The following PCMTD1 variants were observed in gnomAD, a reference collection of about 807,000 sequenced individuals.
PCMTD1 encodes the protein protein-L-isoaspartate (D-aspartate) O-methyltransferase domain containing 1.
A neutral mutation model predicts 37.6 loss-of-function variants in PCMTD1; 12 were observed. The observed-to-expected ratio is 0.32, with a 90% CI of 0.20 to 0.52. The LOEUF (loss-of-function observed/expected upper bound fraction) is 0.52. Ranked by LOEUF, PCMTD1 falls within the 20% of genes least tolerant of loss-of-function variation. PCMTD1 has a pLI of 0.97. For missense variants in PCMTD1, 235 were observed against 421.3 expected (o/e 0.56, Z 3.87); for synonymous variants, 117 against 135.8 (o/e 0.86, Z 0.96).
intron 1 of PCMTD1, among the ~76,000 whole-genome samples, chr8:51,865,576 C>G (rs911489784): frequency 6.6e-6 from 1 of 151,870 alleles, no homozygotes; most frequent in South Asian, 2.1e-4. Context: ...GACAAAAACC[C>G]TATGATCATT....
At chr8:51,831,859 T>C (rs1266471171) in intron 4 of PCMTD1, among the ~76,000 whole-genome samples, 1 of 152,220 alleles carries the variant, frequency 6.6e-6, no homozygotes, top group Non-Finnish European at 1.5e-5. Flanking sequence ...AGCACTACAA[T>C]CTATACATGC....
chr8:51,834,492 C>T (rs1036403414), intron 3 of PCMTD1, among the ~76,000 whole-genome samples: 5 of 152,056 alleles, frequency 3.3e-5, no homozygotes, highest in South Asian at 2.1e-4. Flanking sequence ...CTAATATAAA[C>T]GTAATTAAAA....
chr8:51,874,502 A>C (rs73592234), intron 1 of PCMTD1, among the ~76,000 whole-genome samples: 1,790 of 152,250 alleles, frequency 0.012, 37 homozygotes, highest in African/African-American at 0.041. Context: ...TATTTTCAAT[A>C]AACTGTTTAA....
chr8:51,865,525 A>T (rs1433340784), intron 1 of PCMTD1, among the ~76,000 whole-genome samples: 1 of 152,082 alleles, frequency 6.6e-6, no homozygotes, highest in Admixed American at 6.6e-5. Context: ...GAATATACAC[A>T]AATCAATAAT....
intron 5 of PCMTD1, among the ~76,000 whole-genome samples, chr8:51,821,251 T>C (rs560466629): frequency 6.6e-6 from 1 of 152,298 alleles, no homozygotes; most frequent in Admixed American, 6.5e-5. Context: ...GTGATCCTCC[T>C]GCCTCAGCCT....
At chr8:51,852,803 G>T (rs75219463) in intron 2 of PCMTD1, among the ~76,000 whole-genome samples, 18,084 of 152,056 alleles carry the variant, frequency 0.12, 1,302 homozygotes, top group East Asian at 0.17. Context: ...TAATTTAGAA[G>T]AAAAAAGTAC....
chr8:51,897,426 C>T (rs1180372209), intron 1 of PCMTD1, among the ~76,000 whole-genome samples: 2 of 151,960 alleles, frequency 1.3e-5, no homozygotes, highest in African/African-American at 2.4e-5. Flanking sequence ...TCTTTCCTAC[C>T]TTACCTTTCC....
intron 1 of PCMTD1, among the ~76,000 whole-genome samples, chr8:51,878,178 C>T (rs1342019925): frequency 6.6e-6 from 1 of 151,988 alleles, no homozygotes; most frequent in Admixed American, 6.6e-5. Context: ...CACATGCAGC[C>T]CAGGATGGCT....
At chr8:51,822,392 T>C (rs1192790818) in intron 5 of PCMTD1, among the ~76,000 whole-genome samples, 1 of 151,934 alleles carries the variant, frequency 6.6e-6, no homozygotes, top group East Asian at 1.9e-4. Flanking sequence ...GGAAAACATC[T>C]AAGGTTTTGG....
intron 1 of PCMTD1, among the ~76,000 whole-genome samples, chr8:51,898,361 G>A (rs143851803): frequency 2.0e-5 from 3 of 152,186 alleles, no homozygotes; most frequent in East Asian, 1.9e-4. Flanking sequence ...CGGAACGGTA[G>A]TAGACGCTCA....
At chr8:51,880,488 C>A (rs1291168185) in intron 1 of PCMTD1, among the ~76,000 whole-genome samples, 1 of 152,150 alleles carries the variant, frequency 6.6e-6, no homozygotes, top group Non-Finnish European at 1.5e-5. Context: ...ATCAACTCTT[C>A]CACCTTTATT....
upstream of PCMTD1, chr8:51,899,130 A>G (rs971112849): frequency 1.2e-5 from 17 of 1,394,978 alleles, no homozygotes; most frequent in African/African-American, 7.5e-5. Flanking sequence ...AACCACGGGC[A>G]CAGGGGCAGC....
intron 5 of PCMTD1, among the ~76,000 whole-genome samples, chr8:51,829,202 A>G (rs753539): frequency 0.69 from 103,986 of 151,538 alleles, 42,125 homozygotes; most frequent in Non-Finnish European, 0.9. Context: ...TGGTCAACAA[A>G]TCTCCTTTGA....
At chr8:51,841,476 C>A (rs2129279264) in intron 3 of PCMTD1, among the ~76,000 whole-genome samples, 1 of 152,232 alleles carries the variant, frequency 6.6e-6, no homozygotes, top group South Asian at 2.1e-4. Context: ...GATCTATTGG[C>A]CTAATTAATG....
intron 3 of PCMTD1, among the ~76,000 whole-genome samples, chr8:51,837,928 GAC>G: frequency 6.6e-6 from 1 of 152,002 alleles, no homozygotes; most frequent in East Asian, 1.9e-4. Flanking sequence ...TACAGAGGTG[GAC>G]CACCACAATC....
intron 1 of PCMTD1, among the ~76,000 whole-genome samples, chr8:51,868,588 G>T (rs2038593348): frequency 6.6e-6 from 1 of 152,044 alleles, no homozygotes; most frequent in Admixed American, 6.6e-5. Context: ...GAGCACAGAT[G>T]AAGTATAATA....
At chr8:51,830,470 C>T (rs1585789499) in intron 5 of PCMTD1, among the ~76,000 whole-genome samples, 1 of 152,214 alleles carries the variant, frequency 6.6e-6, no homozygotes, top group African/African-American at 2.4e-5. Context: ...ACTCAGCTAG[C>T]CTCAAGGGAA....
At chr8:51,845,591 T>A in intron 3 of PCMTD1, 70 bp downstream of exon 3, 1 of 1,092,676 alleles carries the variant, frequency 9.2e-7, no homozygotes, top group South Asian at 1.3e-5. Flanking sequence ...AATAATAGTG[T>A]TCAAGAATAG....
chr8:51,843,070 TA>T (rs1320513991), intron 3 of PCMTD1, among the ~76,000 whole-genome samples: 7 of 152,100 alleles, frequency 4.6e-5, no homozygotes, highest in Non-Finnish European at 8.8e-5. Context: ...AAAATAAGTT[TA>T]ACTATTATCC....
Sources: gnomAD v4.1 joint callset for allele counts (sites outside exome capture counted in the v4.1 genomes callset) on GRCh38, gnomAD v4.1.1 for gene constraint, MANE v1.5 for transcripts, NCBI Gene and HGNC (gene_info 2026-07-23, HGNC 2026-07-21) for gene names.